FNBP1: variants seen among roughly 807,000 people sequenced by gnomAD.
The protein encoded by FNBP1 is formin-binding protein 1.
In FNBP1, 26 loss-of-function variants were observed where a neutral mutation model predicts 90.6. The observed-to-expected ratio is 0.29, with a 90% confidence interval of 0.21 to 0.40. FNBP1 has a LOEUF of 0.40. Ranked by LOEUF, FNBP1 falls within the 10% of genes least tolerant of loss-of-function variation. The pLI is 1.00. For missense variants in FNBP1, 635 were observed against 768.0 expected (o/e 0.83, Z 2.05); for synonymous variants, 260 against 265.2 (o/e 0.98, Z 0.19).
In FNBP1 at chr9:129,966,425, A is replaced by C. The variant is rs1045001029; in HGVS notation, c.346-7872T>G. Among the ~76,000 whole-genome samples the C allele has an allele frequency of 2.0e-5, 3 of 152,114 alleles. No individual in the cohort carries two copies. The highest frequency in any genetic ancestry group is 7.2e-5 in the African/African-American group (3 of 41,418). ...TCACCAGCCACGGTAAGCATGTTGGAAGATTTAAGAAAGGAAGTGACAGCC... is the reference window on the plus strand; with the variant it reads ...TCACCAGCCACGGTAAGCATGTTGGCAGATTTAAGAAAGGAAGTGACAGCC... On this transcript the variant is annotated intron_variant, in intron 4 of 16. Coordinates refer to ENST00000446176, the MANE Select transcript of FNBP1 (RefSeq NM_015033.3). The surrounding 1 kb of genome is among the most constrained non-coding windows in gnomAD (Gnocchi z 4.3).
At chr9:130,014,256 T>C (rs1026639696) in intron 1 of FNBP1, among the ~76,000 whole-genome samples, 1 of 150,584 alleles carries the variant, frequency 6.6e-6, no homozygotes, top group Non-Finnish European at 1.5e-5. Flanking sequence ...TCTTTTTTTT[T>C]TTTTTTTCTT....
the FNBP1 span, among the ~76,000 whole-genome samples, chr9:130,052,581 C>T: frequency 4.6e-5 from 7 of 151,894 alleles, no homozygotes; most frequent in East Asian, 2.0e-4. Context: ...TACAGGCGCG[C>T]GGCCGTGATG....
At chr9:130,027,265 A>G (rs1410486524) in intron 1 of FNBP1, among the ~76,000 whole-genome samples, 3 of 152,192 alleles carry the variant, frequency 2.0e-5, no homozygotes, top group Admixed American at 2.0e-4. Flanking sequence ...TGGAGTTTGC[A>G]TTATGAAGAC....
intron 8 of FNBP1, 116 bp downstream of exon 8, chr9:129,927,079 C>T: frequency 9.7e-7 from 1 of 1,026,616 alleles, no homozygotes; most frequent in East Asian, 2.4e-5. Context: ...GCATGTGTGA[C>T]CACCAAAAGC....
intron 6 of FNBP1, among the ~76,000 whole-genome samples, chr9:129,944,210 T>G (rs751775754): frequency 8.6e-5 from 13 of 151,952 alleles, no homozygotes; most frequent in Middle Eastern, 3.2e-3. Flanking sequence ...GTCAAATAAA[T>G]ATTCTTGTTG....
intron 4 of FNBP1, among the ~76,000 whole-genome samples, chr9:129,965,130 C>T (rs957120403): frequency 8.5e-5 from 13 of 152,236 alleles, no homozygotes; most frequent in Admixed American, 6.5e-4. Flanking sequence ...GAACTCTAAG[C>T]GGCGTGGATA....
intron 15 of FNBP1, among the ~76,000 whole-genome samples, chr9:129,896,368 T>C (rs1256336431): frequency 4.6e-5 from 7 of 152,052 alleles, no homozygotes; most frequent in African/African-American, 1.7e-4. Flanking sequence ...CAACTGCTTC[T>C]CTTTTGTCTG....
rs377222386 is a variant in FNBP1 at position 129,929,896 on chromosome 9, C to T, written c.514-201G>A. Among the ~76,000 whole-genome samples, 3 of 152,172 alleles carry T rather than the reference C, an allele frequency of 2.0e-5. No individual in the cohort carries two copies. In the East Asian group the frequency reaches 5.8e-4, roughly 29 times the overall value. ...GCATCCTAGTTTGTATAAACCTCCA[C>T]CATTCCCTACTGCCTTAACGTGGCG... On this transcript the variant is annotated intron_variant, in intron 6 of 16. Transcript: ENST00000446176.
intron 1 of FNBP1, among the ~76,000 whole-genome samples, chr9:130,033,929 T>C (rs1343347946): frequency 1.4e-5 from 2 of 145,214 alleles, no homozygotes; most frequent in African/African-American, 5.1e-5. Flanking sequence ...GGCAGGAGAA[T>C]GGCATGAACC....
chr9:130,025,124 G>A (rs577143229), intron 1 of FNBP1, among the ~76,000 whole-genome samples: 2 of 152,136 alleles, frequency 1.3e-5, no homozygotes, highest in Admixed American at 6.5e-5. Context: ...AGGTTGCAGT[G>A]AGTGGAGATC....
chr9:129,955,862 C>CAG (rs1554813885), intron 6 of FNBP1, among the ~76,000 whole-genome samples: 1 of 151,154 alleles, frequency 6.6e-6, no homozygotes, highest in Non-Finnish European at 1.5e-5. Context: ...CACACACACA[C>CAG]ATATATGAAT....
At chr9:130,006,430 G>A (rs2055705760) in intron 1 of FNBP1, among the ~76,000 whole-genome samples, 2 of 152,214 alleles carry the variant, frequency 1.3e-5, no homozygotes, top group Admixed American at 1.3e-4. Flanking sequence ...GGGAGGCGGA[G>A]GTTGCAGTGA....
chr9:129,893,736 G>A (rs948536714), intron 16 of FNBP1, among the ~76,000 whole-genome samples: 1 of 149,704 alleles, frequency 6.7e-6, no homozygotes, highest in Non-Finnish European at 1.5e-5. Flanking sequence ...CTAACACGGT[G>A]AAACCCTGTC....
At chr9:129,950,426 G>A (rs2045988020) in intron 6 of FNBP1, among the ~76,000 whole-genome samples, 1 of 152,188 alleles carries the variant, frequency 6.6e-6, no homozygotes, top group Non-Finnish European at 1.5e-5. Context: ...TATTCAAATA[G>A]TTGAGGATAG....
intron 11 of FNBP1, among the ~76,000 whole-genome samples, chr9:129,911,930 C>CAAAAA (rs71497502): frequency 1.6e-5 from 2 of 127,850 alleles, no homozygotes; most frequent in Admixed American, 8.4e-5. Flanking sequence ...GATTCTGTCT[C>CAAAAA]AAAAAAAAAA....
rs575577047 is a variant in FNBP1 at position 130,041,539 on chromosome 9, G to T, written c.24+1413C>A. 9.8e-5 allele frequency among the ~76,000 whole-genome samples: 15 copies of T among 152,304 alleles called. 1 individual carries two copies. Among genetic ancestry groups the T allele is most frequent in the Non-Finnish European group, 2.1e-4 (14 of 68,024 alleles). ...AAGAAACTTCAATACGGTACTCAAA[G>T]TCATAGATTTTGCCTAAACTGGTGT... On this transcript the variant is annotated intron_variant, in intron 1 of 16. Transcript: ENST00000446176. The surrounding 1 kb of genome is among the most constrained non-coding windows in gnomAD (Gnocchi z 4.3).
At chr9:130,007,239 C>CAAAAAAAA (rs72063140) in intron 1 of FNBP1, among the ~76,000 whole-genome samples, 6 of 77,006 alleles carry the variant, frequency 7.8e-5, no homozygotes, top group Non-Finnish European at 1.4e-4. Flanking sequence ...GAGATCCTGT[C>CAAAAAAAA]AAAAAAAAAA....
intron 8 of FNBP1, 122 bp downstream of exon 8, chr9:129,927,073 G>GTGTGA (rs1195848203): frequency 3.2e-6 from 3 of 925,520 alleles, no homozygotes; most frequent in Non-Finnish European, 5.1e-6. Context: ...CACAGAGCAT[G>GTGTGA]TGTGACCACC....
intron 1 of FNBP1, among the ~76,000 whole-genome samples, chr9:130,030,743 A>G (rs2058732079): frequency 6.6e-6 from 1 of 152,224 alleles, no homozygotes; most frequent in East Asian, 1.9e-4. Flanking sequence ...CAGTCTGCTT[A>G]TGAATATACT....
Sources: allele counts gnomAD v4.1 joint callset (sites outside exome capture counted in the v4.1 genomes callset), GRCh38; gene constraint gnomAD v4.1.1; non-coding constraint Gnocchi (gnomAD v3.1); transcripts MANE v1.5; gene names NCBI Gene and HGNC (gene_info 2026-07-23, HGNC 2026-07-21).